The following MCTP2 variants were observed in gnomAD, a reference collection of about 807,000 sequenced individuals.
MCTP2 encodes the protein multiple C2 and transmembrane domain containing 2.
A neutral mutation model predicts 111.6 loss-of-function variants in MCTP2; 132 were observed. The ratio of observed to expected loss-of-function variants is 1.18; its 90% confidence interval spans 1.03 to 1.37. The LOEUF is 1.37. Ranked by LOEUF, MCTP2 falls within the 40% of genes most tolerant of loss-of-function variation. The pLI is 0.00. For missense variants in MCTP2, 1,183 were observed against 1,067.9 expected (o/e 1.11, Z -1.50); for synonymous variants, 395 against 387.7 (o/e 1.02, Z -0.22).
At chr15:94,345,041 C>T (rs993062104) in intron 7 of MCTP2, 88 bp from the exon 8 acceptor site, 2 of 1,448,316 alleles carry the variant, frequency 1.4e-6, no homozygotes, top group African/African-American at 2.8e-5. Flanking sequence ...CCTGGACCAT[C>T]TAACATAATA....
intron 1 of MCTP2, among the ~76,000 whole-genome samples, chr15:94,245,833 C>A (rs1387062333): frequency 6.6e-6 from 1 of 151,344 alleles, no homozygotes; most frequent in East Asian, 1.9e-4. Context: ...TGCTCCCCCC[C>A]CAGCCAAAAA....
chr15:94,321,191 G>T (rs888058718), intron 4 of MCTP2, among the ~76,000 whole-genome samples: 1 of 152,134 alleles, frequency 6.6e-6, no homozygotes, highest in Non-Finnish European at 1.5e-5. Context: ...AGAAGGGTTG[G>T]TTAAGGGGTA....
At chr15:94,475,343 G>A (rs2074266324) in intron 21 of MCTP2, among the ~76,000 whole-genome samples, 1 of 152,140 alleles carries the variant, frequency 6.6e-6, no homozygotes, top group Admixed American at 6.5e-5. Flanking sequence ...CGGGCACAAT[G>A]GCTGGCTCCC....
chr15:94,285,863 A>C (rs1387697556), intron 1 of MCTP2, among the ~76,000 whole-genome samples: 1 of 152,190 alleles, frequency 6.6e-6, no homozygotes, highest in Non-Finnish European at 1.5e-5. Context: ...CTTCTCTATT[A>C]ATGCATTATG....
At chr15:94,430,617 G>C (rs999045789) in intron 17 of MCTP2, among the ~76,000 whole-genome samples, 4 of 151,264 alleles carry the variant, frequency 2.6e-5, no homozygotes, top group African/African-American at 9.7e-5. Flanking sequence ...GCGTCGTGGT[G>C]GGCGCCTGTA....
chr15:94,401,097 C>G (rs760472721), intron 16 of MCTP2, among the ~76,000 whole-genome samples: 6 of 152,076 alleles, frequency 3.9e-5, no homozygotes, highest in Non-Finnish European at 7.4e-5. Flanking sequence ...GAGACATTTC[C>G]TTTGCAAAAC....
chr15:94,342,781 C>CATACAT (rs1174846045), intron 7 of MCTP2: 4 of 149,636 alleles, frequency 2.7e-5, no homozygotes, highest in Non-Finnish European at 5.9e-5. Context: ...TATACACACA[C>CATACAT]ATACATATAT....
At chr15:94,436,886 T>C (rs1295988720) in intron 17 of MCTP2, among the ~76,000 whole-genome samples, 3 of 151,638 alleles carry the variant, frequency 2.0e-5, no homozygotes, top group Non-Finnish European at 2.9e-5. Context: ...AACGTAACAA[T>C]AGGGAAAGGG....
chr15:94,285,677 G>A (rs949111249), intron 1 of MCTP2, among the ~76,000 whole-genome samples: 6 of 152,110 alleles, frequency 3.9e-5, no homozygotes, highest in African/African-American at 9.7e-5. Flanking sequence ...GAATGTTTCC[G>A]AAACCCTAGC....
At chr15:94,277,860 C>T (rs1028978734) in intron 1 of MCTP2, among the ~76,000 whole-genome samples, 1 of 152,022 alleles carries the variant, frequency 6.6e-6, no homozygotes, top group Non-Finnish European at 1.5e-5. Context: ...ATTGGTTCAA[C>T]AATTGTATTA....
chr15:94,256,587 C>T (rs1189516228), intron 1 of MCTP2, among the ~76,000 whole-genome samples: 1 of 152,150 alleles, frequency 6.6e-6, no homozygotes, highest in East Asian at 1.9e-4. Flanking sequence ...ATTTTGATGT[C>T]ATGAGTGAGT....
At chr15:94,327,919 A>C (rs1037432858) in intron 4 of MCTP2, among the ~76,000 whole-genome samples, 6 of 152,224 alleles carry the variant, frequency 3.9e-5, no homozygotes, top group Non-Finnish European at 8.8e-5. Context: ...TGCTTTATAG[A>C]GTCAGTTTAT....
intron 17 of MCTP2, among the ~76,000 whole-genome samples, chr15:94,430,577 C>CAAAAAAAAAAAAA (rs11289166): frequency 1.0e-5 from 1 of 96,690 alleles, no homozygotes; most frequent in African/African-American, 4.2e-5. Context: ...ACTAAAAATA[C>CAAAAAAAAAAAAA]AAAAAAAAAA....
At chr15:94,290,250 T>G (rs112337423) in intron 1 of MCTP2, among the ~76,000 whole-genome samples, 7 of 152,330 alleles carry the variant, frequency 4.6e-5, no homozygotes, top group African/African-American at 1.7e-4. Flanking sequence ...TTTATCTTTT[T>G]AAGCCACTAA....
chr15:94,246,820 G>C (rs560464735), intron 1 of MCTP2, among the ~76,000 whole-genome samples: 23 of 152,264 alleles, frequency 1.5e-4, no homozygotes, highest in Non-Finnish European at 2.8e-4. Flanking sequence ...TCCAAGTGGT[G>C]GAGAAAAATC....
intron 1 of MCTP2, among the ~76,000 whole-genome samples, chr15:94,251,661 A>G (rs987656920): frequency 2.0e-5 from 3 of 152,116 alleles, no homozygotes; most frequent in African/African-American, 7.2e-5. Context: ...ACCTGGCTGC[A>G]ATGATCATTT....
chr15:94,450,237 C>T (rs2084357902), intron 19 of MCTP2, among the ~76,000 whole-genome samples: 1 of 152,166 alleles, frequency 6.6e-6, no homozygotes, highest in Non-Finnish European at 1.5e-5. Flanking sequence ...ATATTCATTT[C>T]CCAAAGCAAA....
chr15:94,275,910 C>T (rs373517519), intron 1 of MCTP2, among the ~76,000 whole-genome samples: 45 of 146,366 alleles, frequency 3.1e-4, no homozygotes, highest in South Asian at 4.3e-4. Flanking sequence ...TGTAGTGGCG[C>T]GGATCTTGGC....
At chr15:94,304,931 A>G (rs2075811505) in intron 2 of MCTP2, among the ~76,000 whole-genome samples, 1 of 152,028 alleles carries the variant, frequency 6.6e-6, no homozygotes, top group African/African-American at 2.4e-5. Flanking sequence ...TATTTCATTA[A>G]TTGTATGTTA....
Sources: allele counts gnomAD v4.1 joint callset (sites outside exome capture counted in the v4.1 genomes callset), GRCh38; gene constraint gnomAD v4.1.1; transcripts MANE v1.5; gene names NCBI Gene and HGNC (gene_info 2026-07-23, HGNC 2026-07-21).